IGIP: variants seen among roughly 807,000 people sequenced by gnomAD.
IGIP encodes IgA inducing protein.
In IGIP, 1 loss-of-function variant was observed where a neutral mutation model predicts 3.2. That is an observed-to-expected ratio of 0.32 (90% confidence interval 0.11 to 1.50). IGIP has a LOEUF of 1.50. Among genes scored for constraint, IGIP ranks in the 40% most tolerant of loss-of-function variants. IGIP has a pLI of 0.39. For missense variants in IGIP, 64 were observed against 69.0 expected (o/e 0.93, Z 0.26); for synonymous variants, 20 against 22.7 (o/e 0.88, Z 0.34).
rs960039297 is a variant in IGIP, at chr5:140,126,781, C to G, written c.-1696C>G. ...TCCAAAGTAGCCAGCAGCCATATCC[C>G]TGAGTGCTCTGTGCCCATCAGATAT... On this transcript the variant is annotated 5_prime_UTR_variant, in exon 1 of 1. Coordinates refer to ENST00000333305, the MANE Select transcript of IGIP (RefSeq NM_001007189.2). The G allele has an allele frequency of 2.4e-5, 4 of 167,122 alleles. No homozygotes were observed. The highest frequency in any genetic ancestry group is 9.7e-5 in the African/African-American group (4 of 41,448). 10.4% of individuals were successfully genotyped at this position (167,122 alleles called of 1,614,324 possible). A position where few individuals can be genotyped will look rare whatever the true frequency, so the allele number is the denominator to read the frequency against.
rs772704091 is a variant in IGIP at position 140,127,626 on chromosome 5, G to A, written c.-851G>A. The A allele has an allele frequency of 5.4e-5, 9 of 166,898 alleles. No homozygotes were observed. Among genetic ancestry groups the A allele is most frequent in the Admixed American group, 2.0e-4 (3 of 15,280 alleles). 10.3% of individuals were successfully genotyped at this position (166,898 alleles called of 1,614,324 possible). A position where few individuals can be genotyped will look rare whatever the true frequency, so the allele number is the denominator to read the frequency against. ...ATATTGCAGAGTTGCTTTATTTTGA[G>A]CTTTTTGTGTATACACAATCCCAAA... On this transcript the variant is annotated 5_prime_UTR_variant, in exon 1 of 1. Coordinates refer to ENST00000333305, the MANE Select transcript of IGIP (RefSeq NM_001007189.2).
chr5:140,128,720 C>G lies in IGIP; in HGVS notation c.*82C>G. ...GATTCTTACAAAATATATACTGTAA[C>G]AGTATACTTTGTACAGATTTAAATT... On this transcript the variant is annotated 3_prime_UTR_variant, in exon 1 of 1. Transcript: ENST00000333305. 1 of 1,136,142 alleles carries G rather than the reference C, an allele frequency of 8.8e-7. No homozygotes were observed. Among genetic ancestry groups the G allele is most frequent in the Non-Finnish European group, 1.3e-6 (1 of 785,538 alleles). The allele number at this position is 1,136,142 out of a possible 1,614,324, so 70.4% of individuals were successfully genotyped here.
Position 140,126,210 on chromosome 5 carries a change from T to C in IGIP, c.-2267T>C, listed in dbSNP as rs1487992635. Reference sequence around the variant, plus strand: ...ATGTATTGAACTACTGAAAAGTATATATTTTTAGATATACAGAAGGAATCT... The same window carrying C: ...ATGTATTGAACTACTGAAAAGTATACATTTTTAGATATACAGAAGGAATCT... On this transcript the variant is annotated 5_prime_UTR_variant, in exon 1 of 1. Transcript: ENST00000333305. 4 of 167,070 alleles carry C rather than the reference T, an allele frequency of 2.4e-5. No homozygotes were observed. Among genetic ancestry groups the C allele is most frequent in the Non-Finnish European group, 5.9e-5 (4 of 68,112 alleles). 10.3% of individuals were successfully genotyped at this position (167,070 alleles called of 1,614,324 possible). A position where few individuals can be genotyped will look rare whatever the true frequency, so the allele number is the denominator to read the frequency against.
Position 140,128,559 on chromosome 5 carries a change from G to A in IGIP, c.83G>A (p.Ser28Asn). ...TIFAVMFSHL[S>N]AGKSPCGNQA... is the part of the protein sequence containing the mutation. Reference sequence around the variant, plus strand: ...TTTGCTGTCATGTTCTCCCATCTCAGTGCTGGGAAATCACCATGTGGAAAC... The same window carrying A: ...TTTGCTGTCATGTTCTCCCATCTCAATGCTGGGAAATCACCATGTGGAAAC... The change falls in exon 1 of 1, where the codon AGT becomes AAT. Residue 28 changes from serine to asparagine, a missense_variant. Ser to Asn is a conservative substitution (Grantham distance 46, BLOSUM62 1). Transcript: ENST00000333305. 1 of 1,610,828 alleles carries A rather than the reference G, an allele frequency of 6.2e-7. No individual in the cohort carries two copies. Among genetic ancestry groups the A allele is most frequent in the Non-Finnish European group, 8.5e-7 (1 of 1,179,062 alleles).
rs1763242078 is a variant in IGIP, at chr5:140,128,837, C to T, written c.*199C>T. 2.6e-5 allele frequency: 13 copies of T among 502,688 alleles called. No individual in the cohort carries two copies. The highest frequency in any genetic ancestry group is 1.3e-4 in the South Asian group (4 of 31,028). The allele number at this position is 502,688 out of a possible 1,614,324, so 31.1% of individuals were successfully genotyped here. On this transcript the variant is annotated 3_prime_UTR_variant, in exon 1 of 1. Transcript: ENST00000333305. ...ATCAGATCAGTCTTTTGTTTCAGTG[C>T]TTTTTGGGGGAAGGGGTCTGGTTGC...
Position 140,128,620 on chromosome 5 carries a change from T to G in IGIP, c.144T>G (p.Phe48Leu). Residue 48 changes from phenylalanine to leucine, a missense_variant, in exon 1 of 1, where the codon TTT becomes TTG. Physicochemically the swap from Phe to Leu is conservative, Grantham distance 22 (BLOSUM62 0). Coordinates refer to ENST00000333305, the MANE Select transcript of IGIP (RefSeq NM_001007189.2). Reference protein sequence around the residue: ...ANVLCISRLEFVQYQS With the variant: ...ANVLCISRLELVQYQS ...TGTTGTGCATCAGCCGGCTTGAGTT[T>G]GTTCAATATCAAAGCTGAAAACTAG... is the stretch of plus-strand genomic sequence containing the variant. 6.2e-7 allele frequency: 1 copy of G among 1,611,656 alleles called. No individual in the cohort carries two copies.
Position 140,128,863 on chromosome 5 carries a change from G to T in IGIP, c.*225G>T. 2 of 467,470 alleles carry T rather than the reference G, an allele frequency of 4.3e-6. No individual in the cohort carries two copies. The highest frequency in any genetic ancestry group is 3.8e-6 in the Non-Finnish European group (1 of 265,488). The allele number at this position is 467,470 out of a possible 1,614,324, so 29.0% of individuals were successfully genotyped here. A position where few individuals can be genotyped will look rare whatever the true frequency, so the allele number is the denominator to read the frequency against. On this transcript the variant is annotated 3_prime_UTR_variant, in exon 1 of 1. Coordinates refer to ENST00000333305, the MANE Select transcript of IGIP (RefSeq NM_001007189.2). Reference sequence around the variant, plus strand: ...TTTTTGGGGGAAGGGGTCTGGTTGCGATCTTGGATTTTTTTTTTTTTTGAT... The same window carrying T: ...TTTTTGGGGGAAGGGGTCTGGTTGCTATCTTGGATTTTTTTTTTTTTTGAT...
rs770962108 is a variant in IGIP at position 140,128,660 on chromosome 5, C to T, written c.*22C>T. The T allele has an allele frequency of 8.8e-6, 14 of 1,591,126 alleles. No homozygotes were observed. The highest frequency in any genetic ancestry group is 1.4e-5 in the African/African-American group (1 of 73,934). ...CTGAAAACTAGCGAGGTCTGCTGTA[C>T]TGCTTATTGAAGTATTGTGATTATT... On this transcript the variant is annotated 3_prime_UTR_variant, in exon 1 of 1. Transcript: ENST00000333305.
At position 140,128,512 on chromosome 5, in the gene IGIP, G is replaced by T; in HGVS notation, c.36G>T (p.Val12=). 6.2e-7 allele frequency: 1 copy of T among 1,605,756 alleles called. No individual in the cohort carries two copies. The highest frequency in any genetic ancestry group is 8.5e-7 in the Non-Finnish European group (1 of 1,177,174). ...ATTATCACATGAAGAAACGCAGTGT[G>T]TCGGGCTGTAATATTACCATATTTG... ...CSYYHMKKRS[V]SGCNITIFAV... The change falls in exon 1 of 1, where the codon GTG becomes GTT. Residue 12 remains valine, a synonymous_variant. Transcript: ENST00000333305.
rs147379333 is a variant in IGIP, at chr5:140,129,337, C to A, written c.*699C>A. The A allele has an allele frequency of 1.7e-4, 26 of 152,284 alleles. No individual in the cohort carries two copies. The highest frequency in any genetic ancestry group is 5.5e-4 in the African/African-American group (23 of 41,564). 9.4% of individuals were successfully genotyped at this position (152,284 alleles called of 1,614,324 possible). On this transcript the variant is annotated 3_prime_UTR_variant, in exon 1 of 1. Transcript: ENST00000333305. ...ATGTATAATTTCTTCGTTTTAGGAA[C>A]ATTCTAATTCCACTCTTAGTTATTT...
Position 140,128,147 on chromosome 5 carries a change from T to C in IGIP, c.-330T>C, listed in dbSNP as rs549550308. 24 of 191,752 alleles carry C rather than the reference T, an allele frequency of 1.3e-4. No homozygotes were observed. The South Asian group carries it at 3.6e-3, about 29-fold the overall frequency. The allele number at this position is 191,752 out of a possible 1,614,324, so 11.9% of individuals were successfully genotyped here. On this transcript the variant is annotated 5_prime_UTR_variant, in exon 1 of 1. Coordinates refer to ENST00000333305, the MANE Select transcript of IGIP (RefSeq NM_001007189.2). ...TTTCTAATCAAGTTTGTAAAATTTT[T>C]ATAGTGAAACATTTTAATGACAATT...
In IGIP at chr5:140,127,339, GGAGGCTTCCA is replaced by G. The variant is rs1462028505; in HGVS notation, c.-1126_-1117del. On this transcript the variant is annotated 5_prime_UTR_variant, in exon 1 of 1. Coordinates refer to ENST00000333305, the MANE Select transcript of IGIP (RefSeq NM_001007189.2). ...ATAAGTTGGGGAGTGTGCACTGGCT[GGAGGCTTCCA>G]GAGGCTTCCAGCCATGAGGTGTGAG... is the stretch of plus-strand genomic sequence containing the variant. The G allele has an allele frequency of 6.0e-6, 1 of 167,094 alleles. No homozygotes were observed. Among genetic ancestry groups the G allele is most frequent in the Non-Finnish European group, 1.5e-5 (1 of 68,144 alleles). The allele number at this position is 167,094 out of a possible 1,614,324, so 10.4% of individuals were successfully genotyped here.
rs1763227672 is a variant in IGIP at position 140,127,638 on chromosome 5, T to C, written c.-839T>C. On this transcript the variant is annotated 5_prime_UTR_variant, in exon 1 of 1. Transcript: ENST00000333305. ...TGCTTTATTTTGAGCTTTTTGTGTA[T>C]ACACAATCCCAAACTGGAAGAAATT... 1.8e-5 allele frequency: 3 copies of C among 167,008 alleles called. 1 individual carries two copies. The Admixed American group carries it at 2.0e-4, about 11-fold the overall frequency. 10.3% of individuals were successfully genotyped at this position (167,008 alleles called of 1,614,324 possible). A position where few individuals can be genotyped will look rare whatever the true frequency, so the allele number is the denominator to read the frequency against.
rs1763246381 is a variant in IGIP, at chr5:140,129,165, T to C, written c.*527T>C. ...ATGCTCCATTCTCATGGAAGGTTTT[T>C]TGTTTTCTGTCAGTTACAATAAAAA... On this transcript the variant is annotated 3_prime_UTR_variant, in exon 1 of 1. Coordinates refer to ENST00000333305, the MANE Select transcript of IGIP (RefSeq NM_001007189.2). The C allele has an allele frequency of 6.6e-6, 1 of 152,288 alleles. No homozygotes were observed. The highest frequency in any genetic ancestry group is 2.4e-5 in the African/African-American group (1 of 41,440). The allele number at this position is 152,288 out of a possible 1,614,324, so 9.4% of individuals were successfully genotyped here.
At position 140,129,194 on chromosome 5, in the gene IGIP, T is replaced by A. The variant is rs891380941; in HGVS notation, c.*556T>A. 1.3e-5 allele frequency: 2 copies of A among 152,338 alleles called. No individual in the cohort carries two copies. The highest frequency in any genetic ancestry group is 2.9e-5 in the Non-Finnish European group (2 of 68,190). The allele number at this position is 152,338 out of a possible 1,614,324, so 9.4% of individuals were successfully genotyped here. A position where few individuals can be genotyped will look rare whatever the true frequency, so the allele number is the denominator to read the frequency against. Reference sequence around the variant, plus strand: ...TTTCTGTCAGTTACAATAAAAAAAATGTAATTATCATGGATACATACTAGT... The same window carrying A: ...TTTCTGTCAGTTACAATAAAAAAAAAGTAATTATCATGGATACATACTAGT... On this transcript the variant is annotated 3_prime_UTR_variant, in exon 1 of 1. Transcript: ENST00000333305.
At position 140,126,544 on chromosome 5, in the gene IGIP, A is replaced by G. The variant is rs552065200; in HGVS notation, c.-1933A>G. 1.0e-4 allele frequency: 17 copies of G among 167,214 alleles called. No individual in the cohort carries two copies. Among genetic ancestry groups the G allele is most frequent in the Non-Finnish European group, 2.3e-4 (16 of 68,114 alleles). 10.4% of individuals were successfully genotyped at this position (167,214 alleles called of 1,614,324 possible). The stretch of plus-strand genomic sequence containing the variant: ...CAGCTTGACTGAAATAAGTAAACCA[A>G]TCACTTGCAACATGAAAAACTGTCC... On this transcript the variant is annotated 5_prime_UTR_variant, in exon 1 of 1. Coordinates refer to ENST00000333305, the MANE Select transcript of IGIP (RefSeq NM_001007189.2).
At position 140,128,305 on chromosome 5, in the gene IGIP, G is replaced by A. The variant is rs1763235064; in HGVS notation, c.-172G>A. 1.9e-6 allele frequency: 1 copy of A among 526,494 alleles called. No individual in the cohort carries two copies. The highest frequency in any genetic ancestry group is 3.0e-5 in the South Asian group (1 of 32,874). The allele number at this position is 526,494 out of a possible 1,614,324, so 32.6% of individuals were successfully genotyped here. On this transcript the variant is annotated 5_prime_UTR_variant, in exon 1 of 1. Coordinates refer to ENST00000333305, the MANE Select transcript of IGIP (RefSeq NM_001007189.2). Reference sequence around the variant, plus strand: ...ATTAGTTAAAATTTAGGACTAAGTTGTTGATATTCTTTGAGTTTACAAGTT... The same window carrying A: ...ATTAGTTAAAATTTAGGACTAAGTTATTGATATTCTTTGAGTTTACAAGTT...
chr5:140,129,053 T>C lies in IGIP; in HGVS notation c.*415T>C, dbSNP rs1025768799. 1.3e-5 allele frequency: 2 copies of C among 154,292 alleles called. No homozygotes were observed. The highest frequency in any genetic ancestry group is 2.9e-5 in the Non-Finnish European group (2 of 69,576). 9.6% of individuals were successfully genotyped at this position (154,292 alleles called of 1,614,324 possible). ...TGTGAATGGCCTCCCTATCCTGGCA[T>C]ACTGGGTCATTTAAAAAATTCTCTG... On this transcript the variant is annotated 3_prime_UTR_variant, in exon 1 of 1. Coordinates refer to ENST00000333305, the MANE Select transcript of IGIP (RefSeq NM_001007189.2).
rs745932171 is a variant in IGIP, at chr5:140,128,676, T to A, written c.*38T>A. 4.5e-6 allele frequency: 7 copies of A among 1,548,850 alleles called. No individual in the cohort carries two copies. Among genetic ancestry groups the A allele is most frequent in the Admixed American group, 1.9e-5 (1 of 51,742 alleles). ...TCTGCTGTACTGCTTATTGAAGTAT[T>A]GTGATTATTTTAGGCATTGATTCTT... On this transcript the variant is annotated 3_prime_UTR_variant, in exon 1 of 1. Transcript: ENST00000333305.
Sources: allele counts gnomAD v4.1 joint callset, GRCh38; gene constraint gnomAD v4.1.1; transcripts MANE v1.5; gene names NCBI Gene and HGNC (gene_info 2026-07-23, HGNC 2026-07-21).